FMNL1: variants seen among roughly 807,000 people sequenced by gnomAD.
The protein encoded by FMNL1 is formin like 1.
FMNL1 carries 43 observed loss-of-function variants against 121.3 expected under a neutral mutation model. The ratio of observed to expected loss-of-function variants is 0.35; its 90% CI spans 0.28 to 0.46. FMNL1 has a LOEUF of 0.46. Ranked by LOEUF, FMNL1 falls within the 20% of genes least tolerant of loss-of-function variation. The probability of loss-of-function intolerance (pLI) is 1.00; values close to 1 mark genes in which losing one functional copy is unlikely to be tolerated. For missense variants in FMNL1, 1,191 were observed against 1,482.4 expected (o/e 0.80, Z 3.23); for synonymous variants, 613 against 613.5 (o/e 1.00, Z 0.01).
chr17:45,238,921 G>C (rs2043616885), intron 10 of FMNL1, 34 bp from the exon 11 acceptor site: 1 of 1,579,084 alleles, frequency 6.3e-7, no homozygotes, highest in Admixed American at 1.7e-5. Context: ...CCCACCTAGA[G>C]GATCATAGAT....
Position 45,240,717 on chromosome 17 carries a change from G to A in FMNL1, c.1230+92G>A, listed in dbSNP as rs569599210. ...ACGCAAGCATGGGCACTGGGCAGCAGACAGTGTTATAATTGTGCATTGGAG... is the reference window on the plus strand; with the variant it reads ...ACGCAAGCATGGGCACTGGGCAGCAAACAGTGTTATAATTGTGCATTGGAG... On this transcript the variant is annotated intron_variant, in intron 12 of 26. Transcript: ENST00000331495. 309 of 1,488,500 alleles carry A rather than the reference G, an allele frequency of 2.1e-4. 4 individuals carry two copies. In the South Asian group the frequency reaches 3.7e-3, roughly 18 times the overall value. 92.2% of individuals were successfully genotyped at this position (1,488,500 alleles called of 1,614,324 possible). A position where few individuals can be genotyped will look rare whatever the true frequency, so the allele number is the denominator to read the frequency against.
At position 45,241,343 on chromosome 17, in the gene FMNL1, C is replaced by A. The variant is rs764790699; in HGVS notation, c.1333-39C>A. ...AAGATGGAGGCTTGGTGCCAAGGAG[C>A]CTGCTGGTGGGCACTGACCCCTCCC... On this transcript the variant is annotated intron_variant, in intron 13 of 26. Coordinates refer to ENST00000331495, the MANE Select transcript of FMNL1 (RefSeq NM_005892.4). This position sits in a 1 kb window ranked among gnomAD's most constrained non-coding sequence, Gnocchi z 7.0. 6.3e-7 allele frequency: 1 copy of A among 1,585,596 alleles called. No individual in the cohort carries two copies. The highest frequency in any genetic ancestry group is 1.1e-5 in the South Asian group (1 of 88,478).
Position 45,241,397 on chromosome 17 carries a change from T to C in FMNL1, c.1348T>C (p.Ser450Pro). The change falls in exon 14 of 27, where the codon TCG becomes CCG. Residue 450 changes from serine to proline, a missense_variant. Ser to Pro is a moderately conservative substitution (Grantham distance 74). This residue lies in a region of FMNL1 where 519 missense variants were observed against 492.8 expected (regional missense o/e 1.05). Transcript: ENST00000331495. This position sits in a 1 kb window ranked among gnomAD's most constrained non-coding sequence, Gnocchi z 7.0. Reference protein sequence around the residue: ...LETLRERFSESTAMGPSRRPP... With the variant: ...LETLRERFSEPTAMGPSRRPP... ...GGGTTCGTAGGAGCGCTTCAGCGAA[T>C]CGACCGCCATGGGGCCCTCCAGGCG... 6.4e-7 allele frequency: 1 copy of C among 1,567,492 alleles called. No individual in the cohort carries two copies. Among genetic ancestry groups the C allele is most frequent in the South Asian group, 1.2e-5 (1 of 86,426 alleles).
At chr17:45,224,767 G>T (rs140392058) in intron 1 of FMNL1, among the ~76,000 whole-genome samples, 1 of 152,216 alleles carries the variant, frequency 6.6e-6, no homozygotes, top group South Asian at 2.1e-4. Flanking sequence ...GCTTAAAATG[G>T]GGGTGGAGAG....
chr17:45,242,817 T>C (rs548487852), intron 16 of FMNL1, among the ~76,000 whole-genome samples: 2 of 152,372 alleles, frequency 1.3e-5, no homozygotes, highest in South Asian at 2.1e-4. Flanking sequence ...AGGCCATTGT[T>C]CCATTCTGTT....
intron 11 of FMNL1, among the ~76,000 whole-genome samples, chr17:45,239,683 A>G (rs923489847): frequency 2.6e-5 from 4 of 152,148 alleles, no homozygotes; most frequent in African/African-American, 9.7e-5. Flanking sequence ...TATCTGTGCA[A>G]TGGAGTATTA....
intron 7 of FMNL1, 40 bp downstream of exon 7, chr17:45,236,284 G>A (rs746166316): frequency 4.9e-5 from 77 of 1,557,982 alleles, no homozygotes; most frequent in Non-Finnish European, 6.3e-5. Flanking sequence ...AGGGAGCCCA[G>A]CCTGTCCTCA....
chr17:45,235,398 T>C (rs2143407528), intron 6 of FMNL1, among the ~76,000 whole-genome samples: 1 of 152,238 alleles, frequency 6.6e-6, no homozygotes, highest in East Asian at 1.9e-4. Flanking sequence ...GGAAGAGCAT[T>C]CCAGGCAGAA....
chr17:45,236,587 G>C (rs1376092543), intron 7 of FMNL1: 1 of 195,532 alleles, frequency 5.1e-6, no homozygotes, highest in East Asian at 1.3e-4. Context: ...GGTGAAGCTG[G>C]GTCCTCCTTT....
At chr17:45,243,375 G>A (rs2043753382) in intron 17 of FMNL1, 55 bp downstream of exon 17, 1 of 1,589,034 alleles carries the variant, frequency 6.3e-7, no homozygotes, top group Non-Finnish European at 8.6e-7. Context: ...CTAGGCTGGG[G>A]TTGTCAGGCA....
At chr17:45,244,367 A>G in intron 19 of FMNL1, 123 bp downstream of exon 19, 2 of 1,266,356 alleles carry the variant, frequency 1.6e-6, no homozygotes, top group Non-Finnish European at 2.2e-6. Context: ...ACATGCTGAG[A>G]AGGACAAATC....
intron 3 of FMNL1, chr17:45,232,752 T>C (rs1210180919): frequency 1.7e-6 from 1 of 596,148 alleles, no homozygotes; most frequent in Non-Finnish European, 3.1e-6. Flanking sequence ...CATATGTCCA[T>C]ACATAGGTGT....
Position 45,247,188 on chromosome 17 carries a change from A to C in FMNL1, c.*330A>C. 1 of 550,658 alleles carries C rather than the reference A, an allele frequency of 1.8e-6. No individual in the cohort carries two copies. The highest frequency in any genetic ancestry group is 3.3e-6 in the Non-Finnish European group (1 of 306,916). The allele number at this position is 550,658 out of a possible 1,614,324, so 34.1% of individuals were successfully genotyped here. A position where few individuals can be genotyped will look rare whatever the true frequency, so the allele number is the denominator to read the frequency against. ...GCACCCACCCTAAAGCCCCCTCCAA[A>C]TAGCCATACTTAGCCTCAGCAGGAG... On this transcript the variant is annotated 3_prime_UTR_variant, in exon 27 of 27. Transcript: ENST00000331495.
At chr17:45,246,413 G>A in intron 25 of FMNL1, 83 bp downstream of exon 25, 2 of 1,612,742 alleles carry the variant, frequency 1.2e-6, no homozygotes, top group Non-Finnish European at 1.7e-6. Flanking sequence ...TCCTCTGGGG[G>A]ACTGGCTGCC....
chr17:45,230,472 T>C, intron 1 of FMNL1, 132 bp from the exon 2 acceptor site: 1 of 724,340 alleles, frequency 1.4e-6, no homozygotes, highest in Non-Finnish European at 2.4e-6. Flanking sequence ...ACTACGTATC[T>C]CCTAGGGTCA....
chr17:45,241,148 AC>A lies in FMNL1; in HGVS notation c.1251del (p.Asp417GlufsTer17). On this transcript the variant is annotated frameshift_variant, in exon 13 of 27. Transcript: ENST00000331495. LOFTEE classifies it high-confidence loss of function. This position sits in a 1 kb window ranked among gnomAD's most constrained non-coding sequence, Gnocchi z 7.0. ...CTACAGCTGACAGAGCGGCTTCGGG[AC>A]GCGGAGAACGAATCCATGGCCAAGA... The part of the protein sequence containing the change: ...QVALLTERLR[D>X]AENESMAKIA... The A allele has an allele frequency of 6.2e-7, 1 of 1,614,088 alleles. No individual in the cohort carries two copies.
At chr17:45,225,795 G>A (rs1036717014) in intron 1 of FMNL1, among the ~76,000 whole-genome samples, 1 of 152,126 alleles carries the variant, frequency 6.6e-6, no homozygotes, top group Non-Finnish European at 1.5e-5. Flanking sequence ...TACCTGCATG[G>A]CCCTGGACAA....
intron 26 of FMNL1, 108 bp from the exon 27 acceptor site, chr17:45,246,759 A>C: frequency 1.3e-6 from 1 of 755,074 alleles, no homozygotes; most frequent in South Asian, 1.7e-5. Context: ...TACCCCTGCC[A>C]TGTGCACACA....
At chr17:45,240,091 A>G (rs1265400301) in intron 11 of FMNL1, among the ~76,000 whole-genome samples, 4 of 152,164 alleles carry the variant, frequency 2.6e-5, no homozygotes, top group African/African-American at 9.7e-5. Context: ...TCGCCCAGCT[A>G]TCTATGATTG....
Sources: gnomAD v4.1 joint callset for allele counts (sites outside exome capture counted in the v4.1 genomes callset) on GRCh38, gnomAD v4.1.1 for gene constraint, gnomAD v4.1.1 regional missense constraint, Gnocchi (gnomAD v3.1) non-coding constraint, MANE v1.5 for transcripts, NCBI Gene and HGNC (gene_info 2026-07-23, HGNC 2026-07-21) for gene names.